The following WWOX variants were observed in gnomAD, a reference collection of about 807,000 sequenced individuals.
WWOX encodes the protein WW domain containing oxidoreductase.
In WWOX, 69 loss-of-function variants were observed where a neutral mutation model predicts 46.2. That is an observed-to-expected ratio of 1.49 (90% CI 1.23 to 1.82). The LOEUF (loss-of-function observed/expected upper bound fraction) is 1.82, where lower values mean the gene tolerates loss of function less well. Ranked by LOEUF, WWOX falls within the 40% of genes most tolerant of loss-of-function variation. The pLI is 0.00. For missense variants in WWOX, 919 were observed against 542.6 expected, an observed-to-expected ratio of 1.69 and a Z score of -6.89; for synonymous variants, 359 against 202.6, an observed-to-expected ratio of 1.77 and a Z score of -6.56.
chr16:78,790,447 T>A lies in WWOX; in HGVS notation c.1056+357695T>A, dbSNP rs138015498. 1.4e-3 allele frequency among the ~76,000 whole-genome samples: 207 copies of A among 152,226 alleles called. 1 individual carries two copies. The highest frequency in any genetic ancestry group is 4.7e-3 in the African/African-American group (194 of 41,534). On this transcript the variant is annotated intron_variant, in intron 8 of 8. Transcript: ENST00000566780. ...ACCGTGCCCAGCTCAGCATTATTAT[T>A]TTTAGTCTACACACAGTGAACTTAA... is the stretch of plus-strand genomic sequence containing the variant.
At chr16:79,191,042 T>C (rs118011534) in intron 8 of WWOX, among the ~76,000 whole-genome samples, 1 of 152,056 alleles carries the variant, frequency 6.6e-6, no homozygotes, top group Admixed American at 6.6e-5. Flanking sequence ...ACTTCTTTTT[T>C]TTGTTGTTTG....
chr16:79,001,571 A>G lies in WWOX; in HGVS notation c.1057-210037A>G, dbSNP rs146101454. ...TATCCTCTCAGTTGGATTTATTTTA[A>G]ACAAGTTTTGCCCCTTATACATTAA... is the stretch of plus-strand genomic sequence containing the variant. On this transcript the variant is annotated intron_variant, in intron 8 of 8. Transcript: ENST00000566780. Among the ~76,000 whole-genome samples the G allele has an allele frequency of 4.3e-4, 65 of 152,256 alleles. No individual in the cohort carries two copies. The East Asian group carries it at 0.01, about 24-fold the overall frequency.
chr16:78,514,358 G>C (rs2085437567), intron 8 of WWOX, among the ~76,000 whole-genome samples: 1 of 152,184 alleles, frequency 6.6e-6, no homozygotes, highest in Non-Finnish European at 1.5e-5. Flanking sequence ...AAAACAGCTT[G>C]TGAGTTCACT....
At chr16:78,323,597 G>C (rs376706189) in intron 5 of WWOX, among the ~76,000 whole-genome samples, 1 of 152,258 alleles carries the variant, frequency 6.6e-6, no homozygotes, top group South Asian at 2.1e-4. Context: ...TGTCCTCTAA[G>C]TGAATCATGC....
At chr16:79,136,820 C>A (rs1321060508) in intron 8 of WWOX, among the ~76,000 whole-genome samples, 1 of 152,166 alleles carries the variant, frequency 6.6e-6, no homozygotes, top group Non-Finnish European at 1.5e-5. Context: ...CTGTGTTATG[C>A]CGGGAACTTC....
chr16:78,425,419 C>T (rs978028390), intron 7 of WWOX, among the ~76,000 whole-genome samples: 8 of 152,092 alleles, frequency 5.3e-5, no homozygotes, highest in African/African-American at 1.9e-4. Flanking sequence ...GCAGGAGAAA[C>T]AATGCAATTA....
chr16:78,979,764 G>T (rs1424386301), intron 8 of WWOX, among the ~76,000 whole-genome samples: 1 of 152,138 alleles, frequency 6.6e-6, no homozygotes, highest in Non-Finnish European at 1.5e-5. Flanking sequence ...TTCTCAGCTT[G>T]GAAAGCAGCA....
chr16:78,900,503 A>G (rs1242384950), intron 8 of WWOX, among the ~76,000 whole-genome samples: 1 of 152,224 alleles, frequency 6.6e-6, no homozygotes, highest in African/African-American at 2.4e-5. Context: ...CAAGAAACCC[A>G]CAGAGGTCCC....
At chr16:78,474,176 A>G (rs1472647386) in intron 8 of WWOX, among the ~76,000 whole-genome samples, 1 of 152,226 alleles carries the variant, frequency 6.6e-6, no homozygotes, top group Admixed American at 6.5e-5. Flanking sequence ...TTTAAGTGTT[A>G]ACATTGTTCA....
At chr16:78,616,159 G>A (rs1179852059) in intron 8 of WWOX, among the ~76,000 whole-genome samples, 8 of 151,758 alleles carry the variant, frequency 5.3e-5, no homozygotes, top group Non-Finnish European at 7.4e-5. Flanking sequence ...AATTGTCTTC[G>A]GCTTTCCCTG....
chr16:78,284,846 C>T (rs9927590), intron 5 of WWOX, among the ~76,000 whole-genome samples: 24,485 of 152,070 alleles, frequency 0.16, 3,185 homozygotes, highest in African/African-American at 0.34. Context: ...AAGAGTCATA[C>T]GATATTTGAT....
intron 8 of WWOX, among the ~76,000 whole-genome samples, chr16:78,489,282 T>G (rs1229501986): frequency 6.6e-6 from 1 of 152,158 alleles, no homozygotes; most frequent in Non-Finnish European, 1.5e-5. Flanking sequence ...TAAGAACAGA[T>G]GTTCTCTCCA....
At chr16:78,120,259 C>T (rs1286330936) in intron 4 of WWOX, among the ~76,000 whole-genome samples, 1 of 152,080 alleles carries the variant, frequency 6.6e-6, no homozygotes, top group African/African-American at 2.4e-5. Context: ...ATTTGTTTTC[C>T]TTGAAACAAA....
chr16:78,871,980 G>C (rs2044139089), intron 8 of WWOX, among the ~76,000 whole-genome samples: 1 of 152,146 alleles, frequency 6.6e-6, no homozygotes, highest in African/African-American at 2.4e-5. Context: ...TGGCCTTGCA[G>C]ACCCTCTCAG....
intron 8 of WWOX, among the ~76,000 whole-genome samples, chr16:78,704,287 T>C (rs1355221645): frequency 3.9e-5 from 6 of 152,148 alleles, no homozygotes; most frequent in African/African-American, 1.4e-4. Context: ...ATCTCCAAAA[T>C]TTCCTCATCT....
chr16:78,438,296 C>T (rs977778785), intron 8 of WWOX, among the ~76,000 whole-genome samples: 5 of 152,218 alleles, frequency 3.3e-5, no homozygotes, highest in Admixed American at 2.6e-4. Context: ...AAATGATATA[C>T]CAGCCTTGTA....
chr16:78,693,677 A>G lies in WWOX; in HGVS notation c.1056+260925A>G, dbSNP rs375775208. Among the ~76,000 whole-genome samples, 12 of 152,226 alleles carry G rather than the reference A, an allele frequency of 7.9e-5. No homozygotes were observed. The South Asian group carries it at 2.5e-3, about 32-fold the overall frequency. ...TGCGGTGACATAACTATTGGCATCG[A>G]GTGGATGGAGGGCAGGTGTGCTACT... On this transcript the variant is annotated intron_variant, in intron 8 of 8. Coordinates refer to ENST00000566780, the MANE Select transcript of WWOX (RefSeq NM_016373.4).
intron 8 of WWOX, among the ~76,000 whole-genome samples, chr16:78,838,413 C>T (rs1475383981): frequency 6.6e-6 from 1 of 152,172 alleles, no homozygotes; most frequent in Non-Finnish European, 1.5e-5. Context: ...AATGTTGAGA[C>T]TTACACGTAT....
intron 8 of WWOX, among the ~76,000 whole-genome samples, chr16:78,937,363 T>G (rs866258288): frequency 1.1e-4 from 16 of 151,970 alleles, no homozygotes; most frequent in African/African-American, 3.4e-4. Context: ...AAAGACATCC[T>G]TTTTCTTTGA....
Sources: allele counts gnomAD v4.1 joint callset (sites outside exome capture counted in the v4.1 genomes callset), GRCh38; gene constraint gnomAD v4.1.1; transcripts MANE v1.5; gene names NCBI Gene and HGNC (gene_info 2026-07-23, HGNC 2026-07-21).